Variants in LRRC36 observed in about 807,000 individuals in gnomAD.
The protein encoded by LRRC36 is leucine rich repeat containing 36, also known as leucine-rich repeat-containing protein 36.
LRRC36 carries 62 observed loss-of-function variants against 81.1 expected under a neutral mutation model. The observed-to-expected ratio is 0.76, with a 90% CI of 0.62 to 0.94. LRRC36 has a LOEUF of 0.94. LRRC36 is among the 40% of genes least tolerant of loss of function. The pLI is 0.00. For synonymous variants in LRRC36, 334 were observed against 348.6 expected (o/e 0.96, Z 0.47); for missense variants, 761 against 881.7 (o/e 0.86, Z 1.73).
intron 9 of LRRC36, chr16:67,371,523 A>C (rs2142132328): frequency 2.2e-6 from 1 of 449,012 alleles, no homozygotes; most frequent in Middle Eastern, 6.5e-4. Context: ...CTATGTTTAC[A>C]GTCTCATCAT....
chr16:67,341,155 A>G (rs1258108236), intron 1 of LRRC36, among the ~76,000 whole-genome samples: 16 of 123,824 alleles, frequency 1.3e-4, no homozygotes, highest in Non-Finnish European at 2.8e-4. Context: ...TATGTACTCT[A>G]CATATTCTAT....
At chr16:67,341,366 C>T (rs1427590539) in intron 1 of LRRC36, among the ~76,000 whole-genome samples, 2 of 148,846 alleles carry the variant, frequency 1.3e-5, no homozygotes, top group African/African-American at 4.9e-5. Context: ...TAATTTAATT[C>T]TTGTAACACC....
chr16:67,355,331 CA>C (rs2038845252), intron 5 of LRRC36, among the ~76,000 whole-genome samples: 1 of 148,368 alleles, frequency 6.7e-6, no homozygotes. Flanking sequence ...AAGAAACTGC[CA>C]AATTGTTCCA....
intron 9 of LRRC36, among the ~76,000 whole-genome samples, chr16:67,372,366 AAAAAT>A (rs1198181803): frequency 2.6e-5 from 4 of 151,202 alleles, no homozygotes; most frequent in Admixed American, 6.6e-5. Flanking sequence ...CCAAAAAAAA[AAAAAT>A]AAAATAAAAT....
chr16:67,328,970 C>T (rs1222062496), intron 1 of LRRC36, among the ~76,000 whole-genome samples: 2 of 152,136 alleles, frequency 1.3e-5, no homozygotes, highest in South Asian at 2.1e-4. Context: ...AGGGCAGTGG[C>T]GTGATCTCGG....
intron 5 of LRRC36, 33 bp downstream of exon 5, chr16:67,350,323 A>T (rs1966913): frequency 0.053 from 80,633 of 1,520,712 alleles, 3,368 homozygotes; most frequent in African/African-American, 0.21. Flanking sequence ...TAAAATGATT[A>T]AAACATCAGT....
chr16:67,360,772 C>T (rs1214495901), intron 5 of LRRC36, among the ~76,000 whole-genome samples: 2 of 152,196 alleles, frequency 1.3e-5, no homozygotes, highest in Non-Finnish European at 2.9e-5. Flanking sequence ...TCACTGTCTA[C>T]TCTCAGTTGC....
intron 1 of LRRC36, among the ~76,000 whole-genome samples, chr16:67,333,355 C>T (rs2037590686): frequency 6.6e-6 from 1 of 152,092 alleles, no homozygotes; most frequent in South Asian, 2.1e-4. Context: ...TGGTCTTGAA[C>T]TCCTGACTTC....
intron 5 of LRRC36, among the ~76,000 whole-genome samples, chr16:67,361,010 G>A (rs536049013): frequency 3.3e-5 from 5 of 152,240 alleles, no homozygotes; most frequent in African/African-American, 9.6e-5. Flanking sequence ...GTGGAAAAAC[G>A]TTTGTACAAA....
chr16:67,352,693 T>A (rs949104746), intron 5 of LRRC36, among the ~76,000 whole-genome samples: 8 of 147,702 alleles, frequency 5.4e-5, no homozygotes, highest in Admixed American at 3.4e-4. Context: ...TTATTTATTT[T>A]TTGAGGCAGG....
chr16:67,346,541 G>T (rs1597447109), intron 3 of LRRC36, 93 bp downstream of exon 3: 1 of 666,350 alleles, frequency 1.5e-6, no homozygotes, highest in African/African-American at 1.8e-5. Flanking sequence ...GTGTGCACTG[G>T]CAGGATATAT....
chr16:67,382,465 C>T (rs1331335801), intron 13 of LRRC36, among the ~76,000 whole-genome samples: 1 of 152,174 alleles, frequency 6.6e-6, no homozygotes, highest in Admixed American at 6.5e-5. Context: ...TGGTGGGTTG[C>T]AACACCTCGA....
At chr16:67,331,742 C>A (rs1230369254) in intron 1 of LRRC36, among the ~76,000 whole-genome samples, 1 of 151,944 alleles carries the variant, frequency 6.6e-6, no homozygotes, top group African/African-American at 2.4e-5. Context: ...AATCCCAGCA[C>A]TTTGGGAAGC....
chr16:67,331,113 G>GAGAGAGAGAGAGAGAGAA (rs1567462464), intron 1 of LRRC36, among the ~76,000 whole-genome samples: 6 of 136,244 alleles, frequency 4.4e-5, no homozygotes, highest in African/African-American at 1.6e-4. Flanking sequence ...GAGAGAGAGA[G>GAGAGAGAGAGAGAGAGAA]AAGACTGAAC....
chr16:67,344,364 C>T (rs1367836484), intron 2 of LRRC36, among the ~76,000 whole-genome samples: 1 of 151,962 alleles, frequency 6.6e-6, no homozygotes, highest in Admixed American at 6.6e-5. Context: ...GCAGGAGGAT[C>T]ACTTGAGGCA....
intron 1 of LRRC36, among the ~76,000 whole-genome samples, chr16:67,332,888 A>T (rs988804551): frequency 3.3e-5 from 5 of 151,474 alleles, no homozygotes; most frequent in South Asian, 2.1e-4. Flanking sequence ...TATTTATTTT[A>T]TTTATTTATT....
chr16:67,352,907 G>A (rs2038722366), intron 5 of LRRC36, among the ~76,000 whole-genome samples: 1 of 151,892 alleles, frequency 6.6e-6, no homozygotes, highest in South Asian at 2.1e-4. Flanking sequence ...GGCTGGTCTT[G>A]AACTCCTGAG....
intron 1 of LRRC36, among the ~76,000 whole-genome samples, chr16:67,329,111 G>T (rs1271864162): frequency 6.6e-6 from 1 of 151,984 alleles, no homozygotes; most frequent in Non-Finnish European, 1.5e-5. Context: ...GTTTTGCCAT[G>T]TTGGCCAAGC....
At chr16:67,353,223 G>C (rs1440756056) in intron 5 of LRRC36, among the ~76,000 whole-genome samples, 1 of 152,134 alleles carries the variant, frequency 6.6e-6, no homozygotes, top group South Asian at 2.1e-4. Context: ...ACAGCTCCTA[G>C]GGTTTCATCA....
Sources: allele counts gnomAD v4.1 joint callset (sites outside exome capture counted in the v4.1 genomes callset), GRCh38; gene constraint gnomAD v4.1.1; transcripts MANE v1.5; gene names NCBI Gene and HGNC (gene_info 2026-07-23, HGNC 2026-07-21).